The following LCLAT1 variants were observed in gnomAD, a reference collection of about 807,000 sequenced individuals.
LCLAT1 encodes the protein 1-AGP acyltransferase 8.
A neutral mutation model predicts 30.7 loss-of-function variants in LCLAT1; 11 were observed. The observed-to-expected ratio is 0.36, with a 90% CI of 0.23 to 0.59. LCLAT1 has a LOEUF of 0.59. Among genes scored for constraint, LCLAT1 ranks in the 20% least tolerant of loss-of-function variants. The pLI, the probability that LCLAT1 is intolerant of heterozygous loss-of-function variation, is 0.77. For synonymous variants in LCLAT1, 155 were observed against 151.3 expected, an observed-to-expected ratio of 1.02 and a Z score of -0.18; for missense variants, 402 against 458.6, an observed-to-expected ratio of 0.88 and a Z score of 1.13.
intron 1 of LCLAT1, among the ~76,000 whole-genome samples, chr2:30,462,342 C>T (rs1192800042): frequency 1.3e-5 from 2 of 152,140 alleles, no homozygotes; most frequent in Non-Finnish European, 2.9e-5. Flanking sequence ...AAAAGAATGT[C>T]CGTATAAAAA....
intron 5 of LCLAT1, among the ~76,000 whole-genome samples, chr2:30,585,609 C>G (rs1490374205): frequency 6.6e-6 from 1 of 152,228 alleles, no homozygotes; most frequent in Non-Finnish European, 1.5e-5. Context: ...TTTTTACTCT[C>G]ATTAAGATCT....
At chr2:30,588,348 C>T (rs1427821298) in intron 5 of LCLAT1, among the ~76,000 whole-genome samples, 1 of 152,184 alleles carries the variant, frequency 6.6e-6, no homozygotes, top group Non-Finnish European at 1.5e-5. Flanking sequence ...CTCTCCTGTC[C>T]TTTTTACCAG....
chr2:30,505,890 C>T (rs1433415176), intron 1 of LCLAT1, among the ~76,000 whole-genome samples: 1 of 152,056 alleles, frequency 6.6e-6, no homozygotes, highest in Non-Finnish European at 1.5e-5. Context: ...TTCAGTAAAC[C>T]TCAAGAGGTA....
At chr2:30,626,972 C>G (rs1668543156) in intron 5 of LCLAT1, among the ~76,000 whole-genome samples, 1 of 152,036 alleles carries the variant, frequency 6.6e-6, no homozygotes, top group African/African-American at 2.4e-5. Flanking sequence ...TCAGTTTTTA[C>G]AAAATGTGTT....
chr2:30,547,753 C>T (rs979332002), intron 3 of LCLAT1, among the ~76,000 whole-genome samples: 2 of 151,956 alleles, frequency 1.3e-5, no homozygotes, highest in East Asian at 3.9e-4. Flanking sequence ...CCTGAACTAG[C>T]GTTGGGGCCA....
intron 5 of LCLAT1, among the ~76,000 whole-genome samples, chr2:30,600,489 A>G (rs1449930872): frequency 6.6e-6 from 1 of 152,238 alleles, no homozygotes; most frequent in African/African-American, 2.4e-5. Flanking sequence ...CTCCAAAGCT[A>G]GCAGAAGACA....
At chr2:30,593,560 G>GTATT (rs1285419124) in intron 5 of LCLAT1, among the ~76,000 whole-genome samples, 5 of 152,060 alleles carry the variant, frequency 3.3e-5, no homozygotes, top group Non-Finnish European at 7.4e-5. Context: ...ACAAATTTTA[G>GTATT]TATTGTGTTT....
intron 1 of LCLAT1, among the ~76,000 whole-genome samples, chr2:30,468,293 C>G (rs1682577480): frequency 1.3e-5 from 2 of 152,082 alleles, no homozygotes; most frequent in South Asian, 2.1e-4. Context: ...CTGTTCTGTT[C>G]CATTGGTCTC....
At chr2:30,477,135 T>C (rs1365831597) in intron 1 of LCLAT1, among the ~76,000 whole-genome samples, 1 of 152,224 alleles carries the variant, frequency 6.6e-6, no homozygotes, top group Non-Finnish European at 1.5e-5. Flanking sequence ...TTTGAGGGCA[T>C]TTATGACTTG....
intron 1 of LCLAT1, among the ~76,000 whole-genome samples, chr2:30,463,244 A>C (rs1009731419): frequency 2.3e-4 from 35 of 152,222 alleles, no homozygotes; most frequent in African/African-American, 8.2e-4. Flanking sequence ...ACTTTTATTT[A>C]TGTCATTACC....
chr2:30,573,119 G>A (rs1665854444), intron 5 of LCLAT1, among the ~76,000 whole-genome samples: 1 of 152,184 alleles, frequency 6.6e-6, no homozygotes, highest in Non-Finnish European at 1.5e-5. Flanking sequence ...AATTAATAAA[G>A]AAGAAACTGT....
intron 5 of LCLAT1, among the ~76,000 whole-genome samples, chr2:30,635,579 TA>T (rs573496976): frequency 6.7e-4 from 102 of 152,298 alleles, no homozygotes; most frequent in African/African-American, 2.2e-3. Flanking sequence ...CAAGCAATTT[TA>T]AAAAAACTTT....
At chr2:30,576,283 T>G (rs1253784980) in intron 5 of LCLAT1, among the ~76,000 whole-genome samples, 2 of 152,142 alleles carry the variant, frequency 1.3e-5, no homozygotes, top group Non-Finnish European at 2.9e-5. Flanking sequence ...TCGGTAGACT[T>G]TACACTGACC....
At chr2:30,571,388 C>G (rs1226514402) in intron 5 of LCLAT1, among the ~76,000 whole-genome samples, 3 of 152,314 alleles carry the variant, frequency 2.0e-5, no homozygotes, top group African/African-American at 7.2e-5. Context: ...CAATAGTTCT[C>G]ATGTGCTCTG....
At chr2:30,589,805 A>C (rs1666612642) in intron 5 of LCLAT1, among the ~76,000 whole-genome samples, 1 of 152,116 alleles carries the variant, frequency 6.6e-6, no homozygotes, top group Non-Finnish European at 1.5e-5. Context: ...TTTACCTACT[A>C]ATCTTTTAGT....
intron 5 of LCLAT1, among the ~76,000 whole-genome samples, chr2:30,637,794 T>G (rs550177771): frequency 2.0e-5 from 3 of 152,128 alleles, no homozygotes; most frequent in African/African-American, 7.2e-5. Flanking sequence ...GTCAGGCTGG[T>G]CTCGAACTCC....
chr2:30,608,779 A>G (rs1290341132), intron 5 of LCLAT1, among the ~76,000 whole-genome samples: 1 of 152,114 alleles, frequency 6.6e-6, no homozygotes, highest in Non-Finnish European at 1.5e-5. Context: ...AAATTGCCTA[A>G]AGACACATCT....
chr2:30,624,194 A>G (rs934879409), intron 5 of LCLAT1, among the ~76,000 whole-genome samples: 4 of 152,218 alleles, frequency 2.6e-5, no homozygotes, highest in South Asian at 4.1e-4. Context: ...CTATAAAACA[A>G]TAACACAATG....
At chr2:30,474,577 G>C (rs942005601) in intron 1 of LCLAT1, among the ~76,000 whole-genome samples, 1 of 152,026 alleles carries the variant, frequency 6.6e-6, no homozygotes, top group Non-Finnish European at 1.5e-5. Flanking sequence ...TGAGCCTGAT[G>C]AGCTTTTAAA....
Sources: gnomAD v4.1 joint callset for allele counts (sites outside exome capture counted in the v4.1 genomes callset) on GRCh38, gnomAD v4.1.1 for gene constraint, MANE v1.5 for transcripts, NCBI Gene and HGNC (gene_info 2026-07-23, HGNC 2026-07-21) for gene names.